The following AP3B2 variants were observed in gnomAD, a reference collection of about 807,000 sequenced individuals.
AP3B2 encodes the protein AP-3 complex subunit beta-2.
A neutral mutation model predicts 126.9 loss-of-function variants in AP3B2; 50 were observed. The ratio of observed to expected loss-of-function variants is 0.39; its 90% confidence interval spans 0.31 to 0.50. AP3B2 has a LOEUF of 0.50. Ranked by LOEUF, AP3B2 falls within the 20% of genes least tolerant of loss-of-function variation. The pLI, the probability that AP3B2 is intolerant of heterozygous loss-of-function variation, is 0.79. For missense variants in AP3B2, 1,177 were observed against 1,426.4 expected, an observed-to-expected ratio of 0.83 and a Z score of 2.82; for synonymous variants, 541 against 565.0, an observed-to-expected ratio of 0.96 and a Z score of 0.60.
At position 82,680,809 on chromosome 15, in the gene AP3B2, C is replaced by T. The variant is rs765275208; in HGVS notation, c.771+28G>A. 6.2e-7 allele frequency: 1 copy of T among 1,611,758 alleles called. No individual in the cohort carries two copies. The highest frequency in any genetic ancestry group is 8.5e-7 in the Non-Finnish European group (1 of 1,178,854). On this transcript the variant is annotated intron_variant, in intron 7 of 26. Transcript: ENST00000535359. This position sits in a 1 kb window ranked among gnomAD's most constrained non-coding sequence, Gnocchi z 6.1. ...GCGCCTCCCCGGGACACACTTCGGCCCGCTCTGCCTGGGCTGGGCCCACTT... is the reference window on the plus strand; with the variant it reads ...GCGCCTCCCCGGGACACACTTCGGCTCGCTCTGCCTGGGCTGGGCCCACTT...
intron 1 of AP3B2, among the ~76,000 whole-genome samples, chr15:82,690,968 C>CGCTGGGATTACAGGCCTGAG (rs2048521429): frequency 6.6e-6 from 1 of 152,140 alleles, no homozygotes. Flanking sequence ...GCATGAGCCA[C>CGCTGGGATTACAGGCCTGAG]CGCACCCAGC....
At chr15:82,703,794 A>G (rs1223287879) in intron 1 of AP3B2, among the ~76,000 whole-genome samples, 1 of 151,976 alleles carries the variant, frequency 6.6e-6, no homozygotes, top group African/African-American at 2.4e-5. Context: ...CTGTCCCCTC[A>G]GTCCCAACCC....
At chr15:82,670,351 C>G (rs2048135941) in intron 14 of AP3B2, among the ~76,000 whole-genome samples, 2 of 152,216 alleles carry the variant, frequency 1.3e-5, no homozygotes, top group South Asian at 4.2e-4. Flanking sequence ...TTCAGGTGAT[C>G]CACCAGCCTC....
intron 1 of AP3B2, among the ~76,000 whole-genome samples, chr15:82,707,656 C>T (rs1392005420): frequency 6.6e-6 from 1 of 151,938 alleles, no homozygotes; most frequent in Non-Finnish European, 1.5e-5. Context: ...GCTGAACCTC[C>T]TTGGGCACTC....
chr15:82,683,690 G>A (rs2048381526), intron 4 of AP3B2, among the ~76,000 whole-genome samples: 1 of 151,846 alleles, frequency 6.6e-6, no homozygotes, highest in Non-Finnish European at 1.5e-5. Context: ...CTTTCCAGAA[G>A]GTTTTCAATT....
chr15:82,692,363 A>ACCT (rs2048552428), intron 1 of AP3B2: 1 of 521,010 alleles, frequency 1.9e-6, no homozygotes, highest in Non-Finnish European at 3.3e-6. Context: ...CAACATCGGC[A>ACCT]CCTCCCAACG....
At chr15:82,684,538 A>G (rs1177758994) in intron 4 of AP3B2, among the ~76,000 whole-genome samples, 4 of 152,194 alleles carry the variant, frequency 2.6e-5, no homozygotes, top group Admixed American at 6.5e-5. Flanking sequence ...AAATTTTCCT[A>G]TATCAGCAAT....
In AP3B2 at chr15:82,709,743, C is replaced by T. The variant is rs2048854011; in HGVS notation, c.-37G>A. On this transcript the variant is annotated 5_prime_UTR_variant, in exon 1 of 27. Transcript: ENST00000535359. ...GGAGACTTCGCCGAGGAGGAGGTTG[C>T]GGGGCCGGAGGCCGGCTGGAGCGGA... 1 of 1,428,424 alleles carries T rather than the reference C, an allele frequency of 7.0e-7. No individual in the cohort carries two copies. Among genetic ancestry groups the T allele is most frequent in the Admixed American group, 2.4e-5 (1 of 41,618 alleles). 88.5% of individuals were successfully genotyped at this position (1,428,424 alleles called of 1,614,324 possible).
rs904954448 is a variant in AP3B2 at position 82,678,090 on chromosome 15, G to A, written c.1245+15C>T. The A allele has an allele frequency of 2.5e-6, 4 of 1,613,380 alleles. No homozygotes were observed. Among genetic ancestry groups the A allele is most frequent in the Non-Finnish European group, 3.4e-6 (4 of 1,179,646 alleles). ...CCCCTCTCCCAGGCCCTTCTGGCTGGGAGCTGGCCTGTACCTGGAATTCCC... is the reference window on the plus strand; with the variant it reads ...CCCCTCTCCCAGGCCCTTCTGGCTGAGAGCTGGCCTGTACCTGGAATTCCC... On this transcript the variant is annotated intron_variant, in intron 11 of 26. Coordinates refer to ENST00000535359, the MANE Select transcript of AP3B2 (RefSeq NM_001278512.2).
In AP3B2 at chr15:82,664,314, T is replaced by C. The variant is rs2048012557; in HGVS notation, c.2261+53A>G. The C allele has an allele frequency of 5.6e-6, 9 of 1,611,472 alleles. No homozygotes were observed. The Admixed American group carries it at 1.3e-4, about 24-fold the overall frequency. ...GGCTAAAGCTCAATGCTAGCCCTCT[T>C]TCCAGGAAAGCCCCCTGAACCCCAC... On this transcript the variant is annotated intron_variant, in intron 19 of 26. Transcript: ENST00000535359. The surrounding 1 kb of genome is among the most constrained non-coding windows in gnomAD (Gnocchi z 4.5).
rs999183494 is a variant in AP3B2, at chr15:82,701,833, C to T, written c.113+7761G>A. ...CTAGCTCCTGTTCTCCTTACTTTGC[C>T]AGAATTTATCTCCCAGGGCAGGAGG... On this transcript the variant is annotated intron_variant, in intron 1 of 26. Coordinates refer to ENST00000535359, the MANE Select transcript of AP3B2 (RefSeq NM_001278512.2). Among the ~76,000 whole-genome samples, 4 of 152,248 alleles carry T rather than the reference C, an allele frequency of 2.6e-5. 1 individual carries two copies. The Middle Eastern group carries it at 0.014, about 518-fold the overall frequency.
rs764945044 is a variant in AP3B2, at chr15:82,680,279, G to C, written c.1056-50C>G. On this transcript the variant is annotated intron_variant, in intron 8 of 26. Transcript: ENST00000535359. This position sits in a 1 kb window ranked among gnomAD's most constrained non-coding sequence, Gnocchi z 6.1. ...CCCCGGGCCCCTCGGTTGGGGCAAG[G>C]GTCAGCGGATGAGGGGAAAAGGTGG... 8 of 1,611,772 alleles carry C rather than the reference G, an allele frequency of 5.0e-6. No individual in the cohort carries two copies. Among genetic ancestry groups the C allele is most frequent in the Non-Finnish European group, 2.5e-6 (3 of 1,179,076 alleles).
chr15:82,659,477 A>G lies in AP3B2; in HGVS notation c.*83T>C. The stretch of plus-strand genomic sequence containing the variant: ...TGGCATGAGGAGGATGATGAGAGAG[A>G]GAGAGAAAGATGAGAGAGACTGACA... On this transcript the variant is annotated 3_prime_UTR_variant, in exon 27 of 27. Coordinates refer to ENST00000535359, the MANE Select transcript of AP3B2 (RefSeq NM_001278512.2). 3 of 1,541,146 alleles carry G rather than the reference A, an allele frequency of 1.9e-6. No individual in the cohort carries two copies. Among genetic ancestry groups the G allele is most frequent in the Non-Finnish European group, 2.7e-6 (3 of 1,130,084 alleles).
chr15:82,676,744 A>T, intron 13 of AP3B2, 107 bp from the exon 14 acceptor site: 1 of 1,145,762 alleles, frequency 8.7e-7, no homozygotes, highest in South Asian at 1.6e-5. Context: ...GGCCTGTTGT[A>T]TTATGGGTTC....
At chr15:82,660,212 A>C (rs996009566) in intron 25 of AP3B2, among the ~76,000 whole-genome samples, 1 of 152,078 alleles carries the variant, frequency 6.6e-6, no homozygotes, top group Non-Finnish European at 1.5e-5. Context: ...GCCTTTATCC[A>C]TGTTGTTACC....
In AP3B2 at chr15:82,673,955, C is replaced by A. The variant is rs1420555141; in HGVS notation, c.1665+2506G>T. Reference sequence around the variant, plus strand: ...AGCAAACTAACCTGCTAGGCAGTTTCCCCAGGGTCTATATCCAGGTGGATG... The same window carrying A: ...AGCAAACTAACCTGCTAGGCAGTTTACCCAGGGTCTATATCCAGGTGGATG... On this transcript the variant is annotated intron_variant, in intron 14 of 26. Transcript: ENST00000535359. Among the ~76,000 whole-genome samples the A allele has an allele frequency of 4.6e-5, 7 of 152,322 alleles. No individual in the cohort carries two copies. The East Asian group carries it at 1.4e-3, about 29-fold the overall frequency.
Position 82,689,139 on chromosome 15 carries a change from C to T in AP3B2, c.264+19G>A. On this transcript the variant is annotated intron_variant, in intron 3 of 26. Transcript: ENST00000535359. ...TGGGGGAGGTGGGGACAAGCAATCC[C>T]TCACCAGGTAGTGCTCACCTCTATG... 6.2e-7 allele frequency: 1 copy of T among 1,613,718 alleles called. No homozygotes were observed. The highest frequency in any genetic ancestry group is 8.5e-7 in the Non-Finnish European group (1 of 1,179,638).
At position 82,662,679 on chromosome 15, in the gene AP3B2, C is replaced by T. The variant is rs762943357; in HGVS notation, c.2833+15G>A. ...CAGGAGCCTCCTCCTCCACCCCATC[C>T]AAAGCCCTTCGCACCAATTTCGGGA... On this transcript the variant is annotated intron_variant, in intron 23 of 26. Coordinates refer to ENST00000535359, the MANE Select transcript of AP3B2 (RefSeq NM_001278512.2). 1 of 1,602,704 alleles carries T rather than the reference C, an allele frequency of 6.2e-7. No individual in the cohort carries two copies. The highest frequency in any genetic ancestry group is 8.5e-7 in the Non-Finnish European group (1 of 1,174,254).
chr15:82,672,143 A>C (rs1276129488), intron 14 of AP3B2, among the ~76,000 whole-genome samples: 2 of 152,238 alleles, frequency 1.3e-5, no homozygotes, highest in Admixed American at 6.5e-5. Context: ...TATTGAAGTT[A>C]TATCTGCACA....
Sources: gnomAD v4.1 joint callset for allele counts (sites outside exome capture counted in the v4.1 genomes callset) on GRCh38, gnomAD v4.1.1 for gene constraint, Gnocchi (gnomAD v3.1) non-coding constraint, MANE v1.5 for transcripts, NCBI Gene and HGNC (gene_info 2026-07-23, HGNC 2026-07-21) for gene names.